CFTR: variants seen among roughly 807,000 people sequenced by gnomAD.
The protein encoded by CFTR is cystic fibrosis transmembrane conductance regulator.
A neutral mutation model predicts 171.6 loss-of-function variants in CFTR; 181 were observed. That is an observed-to-expected ratio of 1.05 (90% CI 0.93 to 1.19). The LOEUF (loss-of-function observed/expected upper bound fraction) is 1.19. Among genes scored for constraint, CFTR ranks in the 50% most tolerant of loss-of-function variants. CFTR has a pLI of 0.00. For synonymous variants in CFTR, 583 were observed against 608.0 expected, an observed-to-expected ratio of 0.96 and a Z score of 0.60; for missense variants, 1,968 against 1,734.7, an observed-to-expected ratio of 1.13 and a Z score of -2.39.
At chr7:117,480,387 A>AAG (rs1322232695) in intron 1 of CFTR, among the ~76,000 whole-genome samples, 1 of 152,224 alleles carries the variant, frequency 6.6e-6, no homozygotes, top group African/African-American at 2.4e-5. Flanking sequence ...GAAAAGTTAG[A>AAG]ATCTCAAGAC....
In CFTR at chr7:117,500,466, T is replaced by A. The variant is rs903596918; in HGVS notation, c.54-3787T>A. On this transcript the variant is annotated intron_variant, in intron 1 of 26. Coordinates refer to ENST00000003084, the MANE Select transcript of CFTR (RefSeq NM_000492.4). ...CATGCCTGGCTAATTTTTTTTGTAT[T>A]TTTAGTAGAGATGGGGTTTCTCCAT... Among the ~76,000 whole-genome samples the A allele has an allele frequency of 2.0e-5, 3 of 151,830 alleles. No homozygotes were observed. The South Asian group carries it at 6.2e-4, about 32-fold the overall frequency.
intron 24 of CFTR, among the ~76,000 whole-genome samples, chr7:117,657,490 A>G (rs574952471): frequency 5.9e-5 from 9 of 152,296 alleles, no homozygotes; most frequent in Admixed American, 5.2e-4. Flanking sequence ...ACAAACAAGC[A>G]AGTATCAGCC....
chr7:117,584,498 T>A (rs1442859902), intron 11 of CFTR, among the ~76,000 whole-genome samples: 1 of 152,314 alleles, frequency 6.6e-6, no homozygotes, highest in Non-Finnish European at 1.5e-5. Flanking sequence ...TTGGCTTTAT[T>A]TCTGGGTTCT....
At position 117,559,606 on chromosome 7, in the gene CFTR, A is replaced by G. The variant is rs1048256995; in HGVS notation, c.1535A>G (p.Tyr512Cys). The stretch of plus-strand genomic sequence containing the variant: ...GAAAATATCATCTTTGGTGTTTCCT[A>G]TGATGAATATAGATACAGAAGCGTC... ...IKENIIFGVS[Y>C]DEYRYRSVIK... The change falls in exon 11 of 27, where the codon TAT becomes TGT. Residue 512 changes from tyrosine (Y) to cysteine (C), a missense_variant. Tyr to Cys is a radical substitution (Grantham distance 194). Transcript: ENST00000003084. The G allele has an allele frequency of 1.2e-6, 2 of 1,613,346 alleles. No individual in the cohort carries two copies. The highest frequency in any genetic ancestry group is 2.2e-5 in the East Asian group (1 of 44,794).
At chr7:117,545,582 C>T (rs1473157685) in intron 9 of CFTR, among the ~76,000 whole-genome samples, 1 of 152,176 alleles carries the variant, frequency 6.6e-6, no homozygotes, top group East Asian at 1.9e-4. Context: ...CCTTTGATAG[C>T]ATCCCTGAGA....
chr7:117,649,110 A>G (rs1023689277), intron 23 of CFTR, among the ~76,000 whole-genome samples: 10 of 151,924 alleles, frequency 6.6e-5, no homozygotes, highest in Non-Finnish European at 1.2e-4. Context: ...ATACTTTGAT[A>G]GATATTTTAT....
chr7:117,540,356 C>A lies in CFTR; in HGVS notation c.1116+10C>A. Reference sequence around the variant, plus strand: ...AATAAACAAAATACAGGTAATGTACCATAATGCTGCATTATATACTATGAT... The same window carrying A: ...AATAAACAAAATACAGGTAATGTACAATAATGCTGCATTATATACTATGAT... On this transcript the variant is annotated intron_variant, in intron 8 of 26. Coordinates refer to ENST00000003084, the MANE Select transcript of CFTR (RefSeq NM_000492.4). 1 of 1,609,198 alleles carries A rather than the reference C, an allele frequency of 6.2e-7. No individual in the cohort carries two copies. Among genetic ancestry groups the A allele is most frequent in the Non-Finnish European group, 8.5e-7 (1 of 1,175,866 alleles).
intron 15 of CFTR, among the ~76,000 whole-genome samples, chr7:117,600,157 A>G (rs934909287): frequency 6.6e-6 from 1 of 152,044 alleles, no homozygotes; most frequent in African/African-American, 2.4e-5. Context: ...TGGTCTATTC[A>G]GTTTGTTAGC....
chr7:117,522,352 C>T lies in CFTR; in HGVS notation c.274-8547C>T, dbSNP rs373172227. ...GGACATCACAATTAGCTTTCTCCAC[C>T]TCTTAGTTTATCAGTGAGGAAAACT... On this transcript the variant is annotated intron_variant, in intron 3 of 26. Transcript: ENST00000003084. Among the ~76,000 whole-genome samples, 32 of 152,282 alleles carry T rather than the reference C, an allele frequency of 2.1e-4. No homozygotes were observed. The South Asian group carries it at 6.4e-3, about 31-fold the overall frequency.
chr7:117,501,747 C>CAAAAAAAA (rs1212853305), intron 1 of CFTR, among the ~76,000 whole-genome samples: 41 of 43,884 alleles, frequency 9.3e-4, no homozygotes, highest in South Asian at 3.8e-3. Context: ...AACTCTGTCT[C>CAAAAAAAA]AAAAAAAAAA....
At chr7:117,607,825 T>C (rs1278917678) in intron 18 of CFTR, among the ~76,000 whole-genome samples, 1 of 152,182 alleles carries the variant, frequency 6.6e-6, no homozygotes, top group African/African-American at 2.4e-5. Flanking sequence ...ACTTTGGCAT[T>C]TTGGATATCC....
intron 18 of CFTR, among the ~76,000 whole-genome samples, chr7:117,609,634 C>A (rs1354070396): frequency 1.3e-5 from 2 of 152,034 alleles, no homozygotes; most frequent in Non-Finnish European, 2.9e-5. Context: ...GGTTAGATAG[C>A]TTGCCTAAAT....
Position 117,610,527 on chromosome 7 carries a change from A to G in CFTR, c.2997A>G (p.Leu999=). 6.2e-7 allele frequency: 1 copy of G among 1,612,822 alleles called. No individual in the cohort carries two copies. Among genetic ancestry groups the G allele is most frequent in the Non-Finnish European group, 8.5e-7 (1 of 1,179,320 alleles). The change falls in exon 19 of 27, where the codon TTA becomes TTG. Residue 999 remains leucine (L), a synonymous_variant. Transcript: ENST00000003084. ...LTIFDFIQLL[L]IVIGAIAVVA... is the part of the protein sequence containing the mutation. ...TTTCTTTGATCTTACAGTTGTTATT[A>G]ATTGTGATTGGAGCTATAGCAGTTG...
chr7:117,530,192 C>A (rs968010064), intron 3 of CFTR, among the ~76,000 whole-genome samples: 1 of 152,050 alleles, frequency 6.6e-6, no homozygotes, highest in African/African-American at 2.4e-5. Context: ...TGGAATCTGG[C>A]CTGAGGTTGA....
chr7:117,499,725 G>T (rs1438987031), intron 1 of CFTR, among the ~76,000 whole-genome samples: 1 of 151,686 alleles, frequency 6.6e-6, no homozygotes, highest in Non-Finnish European at 1.5e-5. Flanking sequence ...GGAGGCCAAG[G>T]CAGGAGGATC....
intron 10 of CFTR, among the ~76,000 whole-genome samples, chr7:117,551,671 T>A (rs1799273332): frequency 6.6e-6 from 1 of 152,234 alleles, no homozygotes; most frequent in South Asian, 2.1e-4. Flanking sequence ...GTTGTTCTAG[T>A]CTACATTAAA....
intron 18 of CFTR, among the ~76,000 whole-genome samples, chr7:117,607,588 T>G (rs1186210539): frequency 6.6e-6 from 1 of 152,186 alleles, no homozygotes; most frequent in Admixed American, 6.5e-5. Flanking sequence ...GAGAAACAGT[T>G]GGAATAGGAT....
At chr7:117,577,198 A>C (rs1177136801) in intron 11 of CFTR, among the ~76,000 whole-genome samples, 1 of 152,156 alleles carries the variant, frequency 6.6e-6, no homozygotes, top group Admixed American at 6.6e-5. Flanking sequence ...AGTTTGGAGA[A>C]CTATAAAACT....
Position 117,664,839 on chromosome 7 carries a change from C to A in CFTR, c.4115C>A (p.Pro1372His). 6.2e-7 allele frequency: 1 copy of A among 1,613,934 alleles called. No individual in the cohort carries two copies. Among genetic ancestry groups the A allele is most frequent in the South Asian group, 1.1e-5 (1 of 91,080 alleles). ...SKAKILLLDE[P>H]SAHLDPVTYQ... is the part of the protein sequence containing the mutation. The stretch of plus-strand genomic sequence containing the variant: ...GCGAAGATCTTGCTGCTTGATGAAC[C>A]CAGTGCTCATTTGGATCCAGTGTGA... The change falls in exon 25 of 27, where the codon CCC becomes CAC. Residue 1372 changes from proline (P) to histidine (H), a missense_variant. Physicochemically the swap from Pro to His is moderately conservative, Grantham distance 77 (BLOSUM62 -2). Coordinates refer to ENST00000003084, the MANE Select transcript of CFTR (RefSeq NM_000492.4).
Sources: gnomAD v4.1 joint callset for allele counts (sites outside exome capture counted in the v4.1 genomes callset) on GRCh38, gnomAD v4.1.1 for gene constraint, MANE v1.5 for transcripts, NCBI Gene and HGNC (gene_info 2026-07-23, HGNC 2026-07-21) for gene names.